IQCM: variants seen among roughly 807,000 people sequenced by gnomAD.
The protein encoded by IQCM is IQ domain-containing protein M.
In IQCM, 45 loss-of-function variants were observed where a neutral mutation model predicts 57.6. The observed-to-expected ratio is 0.78, with a 90% CI of 0.62 to 1.00. The LOEUF (loss-of-function observed/expected upper bound fraction) is 1.00. IQCM is among the 50% of genes least tolerant of loss of function. The pLI is 0.00. For missense variants in IQCM, 468 were observed against 511.6 expected (o/e 0.91, Z 0.82); for synonymous variants, 148 against 158.9 (o/e 0.93, Z 0.51).
chr4:149,520,219 ATTTTTTT>A (rs538952958), intron 12 of IQCM, among the ~76,000 whole-genome samples: 1 of 126,720 alleles, frequency 7.9e-6, no homozygotes, highest in Non-Finnish European at 1.7e-5. Context: ...GGTGGGCACC[ATTTTTTT>A]TTTTTTTTTT....
At chr4:149,814,449 G>A (rs1431934872) in intron 2 of IQCM, among the ~76,000 whole-genome samples, 2 of 151,842 alleles carry the variant, frequency 1.3e-5, no homozygotes, top group African/African-American at 4.8e-5. Flanking sequence ...GAACAACCCA[G>A]TCTTTATCAA....
At chr4:149,475,841 G>T (rs1018650884) in intron 12 of IQCM, among the ~76,000 whole-genome samples, 8 of 152,264 alleles carry the variant, frequency 5.3e-5, no homozygotes, top group African/African-American at 1.7e-4. Flanking sequence ...TCAGCCAAAT[G>T]AAGGTTATTG....
At chr4:149,738,737 T>C (rs1767172841) in intron 3 of IQCM, among the ~76,000 whole-genome samples, 1 of 152,162 alleles carries the variant, frequency 6.6e-6, no homozygotes, top group African/African-American at 2.4e-5. Context: ...CATGTGGACA[T>C]TGACTTCCAG....
intron 2 of IQCM, among the ~76,000 whole-genome samples, chr4:149,758,360 G>C (rs1444247722): frequency 6.6e-6 from 1 of 152,044 alleles, no homozygotes; most frequent in Non-Finnish European, 1.5e-5. Context: ...AATGTAAAAT[G>C]CAAAACCATA....
At chr4:149,810,206 G>A (rs1470130352) in intron 2 of IQCM, among the ~76,000 whole-genome samples, 1 of 151,682 alleles carries the variant, frequency 6.6e-6, no homozygotes, top group African/African-American at 2.4e-5. Context: ...GCAACATGAT[G>A]AAACCCATCA....
intron 13 of IQCM, among the ~76,000 whole-genome samples, chr4:149,368,371 A>C (rs1321794643): frequency 1.3e-5 from 2 of 152,030 alleles, no homozygotes; most frequent in Non-Finnish European, 2.9e-5. Context: ...TCTGAAATAG[A>C]ATGTATTTGG....
intron 5 of IQCM, among the ~76,000 whole-genome samples, chr4:149,708,347 C>T (rs1419947159): frequency 6.6e-6 from 1 of 151,768 alleles, no homozygotes; most frequent in Non-Finnish European, 1.5e-5. Flanking sequence ...GCTGAAAAGA[C>T]TGTAAAATTG....
chr4:149,560,060 C>A (rs1262984955), intron 10 of IQCM, among the ~76,000 whole-genome samples: 1 of 152,212 alleles, frequency 6.6e-6, no homozygotes, highest in Non-Finnish European at 1.5e-5. Context: ...AAATTGACTT[C>A]CACAAAACTG....
chr4:149,740,714 T>C (rs1767379783), intron 3 of IQCM, among the ~76,000 whole-genome samples: 1 of 152,156 alleles, frequency 6.6e-6, no homozygotes, highest in South Asian at 2.1e-4. Context: ...GTTTTACATA[T>C]TTGAGCTCTT....
intron 12 of IQCM, among the ~76,000 whole-genome samples, chr4:149,451,291 G>A (rs1287696259): frequency 6.6e-6 from 1 of 151,760 alleles, no homozygotes; most frequent in Non-Finnish European, 1.5e-5. Context: ...GGTGACTTTA[G>A]TCAATAATAA....
intron 12 of IQCM, among the ~76,000 whole-genome samples, chr4:149,485,506 A>G (rs1741380353): frequency 6.6e-6 from 1 of 151,670 alleles, no homozygotes; most frequent in African/African-American, 2.4e-5. Context: ...AGAGACTCTG[A>G]TTCATTCTTC....
intron 13 of IQCM, among the ~76,000 whole-genome samples, chr4:149,373,103 G>A (rs1283208506): frequency 6.6e-6 from 1 of 152,142 alleles, no homozygotes; most frequent in Non-Finnish European, 1.5e-5. Flanking sequence ...AGCAAATGAA[G>A]TAACTAAATG....
intron 12 of IQCM, among the ~76,000 whole-genome samples, chr4:149,511,306 G>A (rs1744388084): frequency 6.6e-6 from 1 of 151,728 alleles, no homozygotes; most frequent in South Asian, 2.1e-4. Flanking sequence ...ATCACTTGAG[G>A]TCAGAAATTT....
At chr4:149,687,328 G>T (rs972836155) in intron 5 of IQCM, among the ~76,000 whole-genome samples, 1 of 151,406 alleles carries the variant, frequency 6.6e-6, no homozygotes, top group Non-Finnish European at 1.5e-5. Context: ...ATTAACTACA[G>T]TCGGCCTTCG....
At chr4:149,416,237 C>T (rs181501617) in intron 13 of IQCM, among the ~76,000 whole-genome samples, 4 of 152,054 alleles carry the variant, frequency 2.6e-5, no homozygotes, top group Admixed American at 6.5e-5. Context: ...CCTCCCTCCC[C>T]CATGGAGCCT....
rs1461290111 is a variant in IQCM at position 149,556,064 on chromosome 4, T to C, written c.949-2777A>G. On this transcript the variant is annotated intron_variant, in intron 10 of 13. Coordinates refer to ENST00000636793, the MANE Select transcript of IQCM (RefSeq NM_001363507.2). ...ATGCTTCAGCTATTGTGCTAGTACA[T>C]TTCAGCATGTAAATCTTTCACTATA... is the stretch of plus-strand genomic sequence containing the variant. Among the ~76,000 whole-genome samples the C allele has an allele frequency of 2.0e-5, 3 of 152,320 alleles. No individual in the cohort carries two copies. The East Asian group carries it at 5.8e-4, about 29-fold the overall frequency.
chr4:149,726,071 A>G (rs1365392408), intron 5 of IQCM, among the ~76,000 whole-genome samples: 4 of 94,790 alleles, frequency 4.2e-5, no homozygotes, highest in Admixed American at 2.5e-4. Flanking sequence ...TCTTCCCTCT[A>G]AAAGAAAGAA....
At chr4:149,385,000 C>T (rs532187545) in intron 13 of IQCM, among the ~76,000 whole-genome samples, 4 of 152,126 alleles carry the variant, frequency 2.6e-5, no homozygotes, top group African/African-American at 9.6e-5. Flanking sequence ...CTTCAGAGCT[C>T]CATTCCTCTA....
chr4:149,453,084 AAAG>A (rs1737307280), intron 12 of IQCM, among the ~76,000 whole-genome samples: 1 of 151,654 alleles, frequency 6.6e-6, no homozygotes, highest in Admixed American at 6.6e-5. Flanking sequence ...ACATCGTAGG[AAAG>A]AAGAAACAAT....
Sources: gnomAD v4.1 joint callset for allele counts (sites outside exome capture counted in the v4.1 genomes callset) on GRCh38, gnomAD v4.1.1 for gene constraint, MANE v1.5 for transcripts, NCBI Gene and HGNC (gene_info 2026-07-23, HGNC 2026-07-21) for gene names.